Variants in RCAN2 observed in about 807,000 individuals in gnomAD.
RCAN2 encodes calcipressin-2.
A neutral mutation model predicts 23.6 loss-of-function variants in RCAN2; 9 were observed. The observed-to-expected ratio is 0.38, with a 90% CI of 0.23 to 0.67. The LOEUF (loss-of-function observed/expected upper bound fraction) is 0.67, where lower values mean the gene tolerates loss of function less well. Among genes scored for constraint, RCAN2 ranks in the 30% least tolerant of loss-of-function variants. The pLI is 0.51. For synonymous variants in RCAN2, 109 were observed against 115.7 expected (o/e 0.94, Z 0.37); for missense variants, 273 against 302.3 (o/e 0.90, Z 0.72).
At chr6:46,295,958 C>T (rs1762711454) in intron 2 of RCAN2, among the ~76,000 whole-genome samples, 1 of 142,658 alleles carries the variant, frequency 7.0e-6, no homozygotes, top group African/African-American at 2.6e-5. Context: ...AATGAGCAAA[C>T]TTTTTTTTTT....
intron 2 of RCAN2, among the ~76,000 whole-genome samples, chr6:46,273,465 G>A (rs1457203316): frequency 1.3e-5 from 2 of 152,094 alleles, no homozygotes; most frequent in African/African-American, 4.8e-5. Context: ...ACCCTCTGAG[G>A]TACACAGAGG....
At chr6:46,400,491 C>T (rs1177074520) in intron 2 of RCAN2, among the ~76,000 whole-genome samples, 1 of 152,098 alleles carries the variant, frequency 6.6e-6, no homozygotes, top group Non-Finnish European at 1.5e-5. Context: ...ACCATAGATC[C>T]CTGCACAAAT....
chr6:46,442,970 G>A (rs937197867), intron 2 of RCAN2, among the ~76,000 whole-genome samples: 1 of 152,076 alleles, frequency 6.6e-6, no homozygotes, highest in Non-Finnish European at 1.5e-5. Context: ...CATCTGGCAG[G>A]TGCCCCCAAG....
chr6:46,318,571 A>G (rs890652504), intron 2 of RCAN2, among the ~76,000 whole-genome samples: 1 of 152,140 alleles, frequency 6.6e-6, no homozygotes, highest in Non-Finnish European at 1.5e-5. Context: ...TCAAGTTTCT[A>G]TTCAACTCAC....
intron 4 of RCAN2, among the ~76,000 whole-genome samples, chr6:46,229,819 G>A (rs573995163): frequency 7.9e-5 from 12 of 152,200 alleles, no homozygotes; most frequent in Admixed American, 6.5e-5. Context: ...CATTGCTGGT[G>A]AGGAGCTGCG....
chr6:46,488,900 A>C (rs954022648), intron 1 of RCAN2, among the ~76,000 whole-genome samples: 2 of 151,994 alleles, frequency 1.3e-5, no homozygotes, highest in African/African-American at 4.8e-5. Context: ...GGTCTGTGCC[A>C]CTCCAATGGT....
intron 2 of RCAN2, among the ~76,000 whole-genome samples, chr6:46,311,982 T>C (rs1192621873): frequency 1.3e-5 from 2 of 152,182 alleles, no homozygotes; most frequent in Non-Finnish European, 2.9e-5. Context: ...TTCTGTCCAG[T>C]TGAATCTGAG....
intron 2 of RCAN2, among the ~76,000 whole-genome samples, chr6:46,288,373 G>C (rs557108596): frequency 6.6e-6 from 1 of 152,338 alleles, no homozygotes; most frequent in Admixed American, 6.5e-5. Flanking sequence ...CAGCAAGTAA[G>C]GTGTGATGTG....
At chr6:46,353,353 G>A (rs986704134) in intron 2 of RCAN2, among the ~76,000 whole-genome samples, 3 of 152,202 alleles carry the variant, frequency 2.0e-5, no homozygotes, top group Admixed American at 1.3e-4. Flanking sequence ...TTTTGGGTGT[G>A]GGGGAGGAGA....
intron 2 of RCAN2, among the ~76,000 whole-genome samples, chr6:46,429,569 G>A (rs79640727): frequency 7.9e-4 from 120 of 152,188 alleles, no homozygotes; most frequent in African/African-American, 2.6e-3. Flanking sequence ...CATATGAAAC[G>A]TCTCTATCAG....
intron 2 of RCAN2, among the ~76,000 whole-genome samples, chr6:46,423,639 G>A (rs763969221): frequency 6.6e-6 from 1 of 152,108 alleles, no homozygotes; most frequent in Non-Finnish European, 1.5e-5. Context: ...TATACATTTT[G>A]TAATTTAATT....
At chr6:46,402,780 A>T (rs759434140) in intron 2 of RCAN2, among the ~76,000 whole-genome samples, 10 of 152,180 alleles carry the variant, frequency 6.6e-5, no homozygotes, top group Non-Finnish European at 1.2e-4. Context: ...CTAAGGATAA[A>T]AATGAACAGT....
intron 2 of RCAN2, among the ~76,000 whole-genome samples, chr6:46,326,984 G>A (rs1763813476): frequency 6.6e-6 from 1 of 152,122 alleles, no homozygotes; most frequent in South Asian, 2.1e-4. Flanking sequence ...TGTTCAAGTG[G>A]CATTTATTTC....
chr6:46,291,556 G>A (rs2150345321), intron 2 of RCAN2, among the ~76,000 whole-genome samples: 1 of 151,950 alleles, frequency 6.6e-6, no homozygotes, highest in Admixed American at 6.6e-5. Context: ...GAGTGCTTTA[G>A]GAAGGAAAGC....
At chr6:46,342,902 A>G (rs1764373530) in intron 2 of RCAN2, among the ~76,000 whole-genome samples, 1 of 152,172 alleles carries the variant, frequency 6.6e-6, no homozygotes, top group Non-Finnish European at 1.5e-5. Context: ...TAAAATAGGG[A>G]AAAAGAGATC....
chr6:46,469,396 A>C (rs528921904), intron 1 of RCAN2, among the ~76,000 whole-genome samples: 5 of 152,280 alleles, frequency 3.3e-5, no homozygotes. Context: ...AGTTCACCAC[A>C]TCCCTCACCC....
At chr6:46,340,009 T>C (rs1187041207) in intron 2 of RCAN2, among the ~76,000 whole-genome samples, 3 of 152,216 alleles carry the variant, frequency 2.0e-5, no homozygotes, top group Non-Finnish European at 2.9e-5. Context: ...TTTATCCTTG[T>C]ATCCTCAGCC....
chr6:46,332,339 A>C (rs1300675325), intron 2 of RCAN2, among the ~76,000 whole-genome samples: 4 of 152,014 alleles, frequency 2.6e-5, no homozygotes, highest in Non-Finnish European at 4.4e-5. Flanking sequence ...TTTAAGTTTT[A>C]GGGTACATGT....
chr6:46,393,653 G>T (rs1344086926), intron 2 of RCAN2, among the ~76,000 whole-genome samples: 1 of 152,120 alleles, frequency 6.6e-6, no homozygotes, highest in Non-Finnish European at 1.5e-5. Flanking sequence ...CAAAAGGATG[G>T]TTTTCTCTCT....
Sources: allele counts gnomAD v4.1 joint callset (sites outside exome capture counted in the v4.1 genomes callset), GRCh38; gene constraint gnomAD v4.1.1; transcripts MANE v1.5; gene names NCBI Gene and HGNC (gene_info 2026-07-23, HGNC 2026-07-21).